The following NRXN3 variants were observed in gnomAD, a reference collection of about 807,000 sequenced individuals.
The protein encoded by NRXN3 is neurexin III.
In NRXN3, 32 loss-of-function variants were observed where a neutral mutation model predicts 137.6. That is an observed-to-expected ratio of 0.23 (90% CI 0.18 to 0.31). The LOEUF (loss-of-function observed/expected upper bound fraction) is 0.31, where lower values mean the gene tolerates loss of function less well. Among genes scored for constraint, NRXN3 ranks in the 10% least tolerant of loss-of-function variants. NRXN3 has a pLI of 1.00. For missense variants in NRXN3, 1,574 were observed against 2,062.5 expected, an observed-to-expected ratio of 0.76 and a Z score of 4.59; for synonymous variants, 798 against 784.5, an observed-to-expected ratio of 1.02 and a Z score of -0.29.
rs2099417104 is a variant in NRXN3 at position 79,864,504 on chromosome 14, CGAGT to C, written c.*2541_*2544del. The C allele has an allele frequency of 6.6e-6, 1 of 152,430 alleles. No individual in the cohort carries two copies. The highest frequency in any genetic ancestry group is 6.6e-5 in the Admixed American group (1 of 15,266). The allele number at this position is 152,430 out of a possible 1,614,324, so 9.4% of individuals were successfully genotyped here. ...AATTATGTCATATCTTATTAAAAGC[CGAGT>C]AAGAGCTAGACCACTTTCATGTGAT... On this transcript the variant is annotated 3_prime_UTR_variant, in exon 21 of 21. Transcript: ENST00000335750.
intron 1 of NRXN3, among the ~76,000 whole-genome samples, chr14:78,182,999 C>T (rs896993760): frequency 4.6e-5 from 7 of 152,290 alleles, no homozygotes; most frequent in African/African-American, 1.7e-4. Flanking sequence ...CCTGCCTGGA[C>T]ATCACCTGCT....
rs373703102 is a variant in NRXN3 at position 79,244,117 on chromosome 14, G to A, written c.3263-223104G>A. 1.1e-4 allele frequency among the ~76,000 whole-genome samples: 17 copies of A among 152,164 alleles called. 1 individual carries two copies. The South Asian group carries it at 2.1e-3, about 19-fold the overall frequency. ...GATTTGGGTAGAAAGAAAACCTGCCGATAGTCATCTTTGATATTGACTGGT... is the reference window on the plus strand; with the variant it reads ...GATTTGGGTAGAAAGAAAACCTGCCAATAGTCATCTTTGATATTGACTGGT... On this transcript the variant is annotated intron_variant, in intron 15 of 20. Coordinates refer to ENST00000335750, the MANE Select transcript of NRXN3 (RefSeq NM_001330195.2).
At position 78,562,126 on chromosome 14, in the gene NRXN3, C is replaced by T. The variant is rs113698951; in HGVS notation, c.758-82994C>T. Among the ~76,000 whole-genome samples the T allele has an allele frequency of 1.1e-4, 17 of 152,050 alleles. 1 individual carries two copies. The South Asian group carries it at 2.7e-3, about 24-fold the overall frequency. On this transcript the variant is annotated intron_variant, in intron 4 of 20. Coordinates refer to ENST00000335750, the MANE Select transcript of NRXN3 (RefSeq NM_001330195.2). ...GTTTAACGCTGAGGCAGGTGGGGCACGATGTCTCACGCCTGTAATCCCAGC... is the reference window on the plus strand; with the variant it reads ...GTTTAACGCTGAGGCAGGTGGGGCATGATGTCTCACGCCTGTAATCCCAGC...
chr14:79,063,985 A>G (rs1349710008), intron 15 of NRXN3, among the ~76,000 whole-genome samples: 5 of 152,214 alleles, frequency 3.3e-5, no homozygotes. Context: ...AAAAACAAGT[A>G]TGTGTGAAGA....
chr14:79,468,482 G>GA (rs2096458439), intron 16 of NRXN3, among the ~76,000 whole-genome samples: 1 of 152,128 alleles, frequency 6.6e-6, no homozygotes, highest in African/African-American at 2.4e-5. Flanking sequence ...AGGCAGTTAA[G>GA]AAAAAAGATC....
intron 14 of NRXN3, among the ~76,000 whole-genome samples, chr14:78,981,225 T>C (rs921199797): frequency 6.6e-6 from 1 of 152,200 alleles, no homozygotes; most frequent in African/African-American, 2.4e-5. Context: ...GAAATGGTAT[T>C]TGAAAGTTTT....
intron 15 of NRXN3, among the ~76,000 whole-genome samples, chr14:79,125,164 C>T (rs1451989592): frequency 6.6e-6 from 1 of 152,186 alleles, no homozygotes; most frequent in Non-Finnish European, 1.5e-5. Context: ...CTGGCTGTCC[C>T]TTTTCATCTT....
intron 16 of NRXN3, among the ~76,000 whole-genome samples, chr14:79,561,430 C>T (rs1417418751): frequency 1.3e-5 from 2 of 152,074 alleles, no homozygotes; most frequent in African/African-American, 4.8e-5. Context: ...TATCTGTGGG[C>T]AATTGCACAA....
intron 4 of NRXN3, among the ~76,000 whole-genome samples, chr14:78,329,697 C>A (rs1159558111): frequency 6.6e-6 from 1 of 152,114 alleles, no homozygotes; most frequent in Non-Finnish European, 1.5e-5. Context: ...GAATTAATAT[C>A]CAAGGAGAAG....
chr14:79,567,546 C>G (rs1315106992), intron 16 of NRXN3, among the ~76,000 whole-genome samples: 1 of 151,984 alleles, frequency 6.6e-6, no homozygotes, highest in Non-Finnish European at 1.5e-5. Flanking sequence ...TCCCACGGCC[C>G]TTGCTTCTGA....
At chr14:79,075,663 C>G (rs2045849846) in intron 15 of NRXN3, among the ~76,000 whole-genome samples, 1 of 152,072 alleles carries the variant, frequency 6.6e-6, no homozygotes, top group East Asian at 1.9e-4. Context: ...CATTTTTATA[C>G]CTGCAATGCT....
At chr14:79,695,351 A>G (rs1157777201) in intron 18 of NRXN3, among the ~76,000 whole-genome samples, 1 of 152,034 alleles carries the variant, frequency 6.6e-6, no homozygotes, top group East Asian at 1.9e-4. Context: ...TCTACCTGTA[A>G]TCAAGTATAA....
intron 15 of NRXN3, among the ~76,000 whole-genome samples, chr14:79,358,619 AAGAAAG>A (rs1309032563): frequency 7.3e-6 from 1 of 136,616 alleles, no homozygotes; most frequent in African/African-American, 2.7e-5. Context: ...GAAAGAAAGA[AAGAAAG>A]AAAGAAAGAA....
chr14:78,632,302 G>T (rs1411490055), intron 4 of NRXN3, among the ~76,000 whole-genome samples: 1 of 152,054 alleles, frequency 6.6e-6, no homozygotes, highest in Non-Finnish European at 1.5e-5. Context: ...TAGCCTTGTT[G>T]AGCAGATACA....
At chr14:79,301,749 G>A (rs558715481) in intron 15 of NRXN3, among the ~76,000 whole-genome samples, 29 of 151,720 alleles carry the variant, frequency 1.9e-4, no homozygotes, top group Middle Eastern at 3.4e-3. Flanking sequence ...GTGTGTGTGC[G>A]CGCGCGTGCA....
chr14:78,507,387 A>T (rs944174073), intron 4 of NRXN3, among the ~76,000 whole-genome samples: 2 of 152,272 alleles, frequency 1.3e-5, no homozygotes, highest in African/African-American at 4.8e-5. Context: ...TCCTCTGGGG[A>T]AAAAGAGTCC....
intron 8 of NRXN3, among the ~76,000 whole-genome samples, chr14:78,781,944 A>C (rs7141042): frequency 0.38 from 58,134 of 152,022 alleles, 16,529 homozygotes; most frequent in African/African-American, 0.8. Flanking sequence ...CCAAATACAT[A>C]TTTCACCTCC....
At chr14:78,883,393 G>A (rs1304351925) in intron 10 of NRXN3, among the ~76,000 whole-genome samples, 1 of 152,232 alleles carries the variant, frequency 6.6e-6, no homozygotes, top group African/African-American at 2.4e-5. Context: ...GAATTATAGA[G>A]GAGGAACCAA....
chr14:78,373,096 C>T (rs146660110), intron 4 of NRXN3, among the ~76,000 whole-genome samples: 75 of 152,330 alleles, frequency 4.9e-4, no homozygotes, highest in African/African-American at 1.7e-3. Flanking sequence ...CTCAGATAAC[C>T]TTGTCCTGTT....
Sources: allele counts gnomAD v4.1 joint callset (sites outside exome capture counted in the v4.1 genomes callset), GRCh38; gene constraint gnomAD v4.1.1; transcripts MANE v1.5; gene names NCBI Gene and HGNC (gene_info 2026-07-23, HGNC 2026-07-21).